CNN3: variants seen among roughly 807,000 people sequenced by gnomAD.
The protein encoded by CNN3 is calponin 3.
Under a neutral mutation model 39.0 loss-of-function variants are expected in CNN3, and 11 were observed. That is an observed-to-expected ratio of 0.28 (90% CI 0.18 to 0.47). CNN3 has a LOEUF of 0.47. Among genes scored for constraint, CNN3 ranks in the 20% least tolerant of loss-of-function variants. The probability of loss-of-function intolerance (pLI) is 0.99; values close to 1 mark genes in which losing one functional copy is unlikely to be tolerated. For synonymous variants in CNN3, 101 were observed against 138.3 expected, an observed-to-expected ratio of 0.73 and a Z score of 1.89; for missense variants, 266 against 403.4, an observed-to-expected ratio of 0.66 and a Z score of 2.92.
chr1:94,901,229 C>G (rs1670854959), intron 5 of CNN3, among the ~76,000 whole-genome samples: 1 of 151,838 alleles, frequency 6.6e-6, no homozygotes, highest in Non-Finnish European at 1.5e-5. Context: ...TGGCTCATTC[C>G]CATAATCCCA....
chr1:94,920,206 T>G lies in CNN3; in HGVS notation c.57+6632A>C, dbSNP rs1429905342. On this transcript the variant is annotated intron_variant, in intron 1 of 6. Transcript: ENST00000370206. ...GGCAATGTGGACAGAATGGTGCAGA[T>G]CTACAGACCTGGTGCTTTCACTGTG... Among the ~76,000 whole-genome samples, 5 of 152,176 alleles carry G rather than the reference T, an allele frequency of 3.3e-5. No homozygotes were observed. In the East Asian group the frequency reaches 9.6e-4, roughly 29 times the overall value.
chr1:94,908,287 T>C (rs1328345567), intron 1 of CNN3, among the ~76,000 whole-genome samples: 1 of 152,238 alleles, frequency 6.6e-6, no homozygotes, highest in Non-Finnish European at 1.5e-5. Flanking sequence ...TGGCCTGCTC[T>C]GCTCTCGCTC....
chr1:94,906,960 G>A (rs903348348), intron 1 of CNN3, among the ~76,000 whole-genome samples: 1 of 152,192 alleles, frequency 6.6e-6, no homozygotes, highest in Non-Finnish European at 1.5e-5. Flanking sequence ...GTAGATCCCA[G>A]TAAGAAGTTT....
At chr1:94,920,812 A>G (rs1393701227) in intron 1 of CNN3, among the ~76,000 whole-genome samples, 12 of 152,162 alleles carry the variant, frequency 7.9e-5, no homozygotes. Context: ...TAAAACTTAA[A>G]AGATATTTAT....
At chr1:94,903,670 T>C in intron 1 of CNN3, 146 bp from the exon 2 acceptor site, 1 of 1,074,570 alleles carries the variant, frequency 9.3e-7, no homozygotes, top group Non-Finnish European at 1.3e-6. Flanking sequence ...ATGGCAAACT[T>C]AACCGTTACA....
intron 6 of CNN3, among the ~76,000 whole-genome samples, chr1:94,899,035 C>T (rs1391521005): frequency 6.7e-6 from 1 of 149,340 alleles, no homozygotes; most frequent in Non-Finnish European, 1.5e-5. Context: ...GTAATTTTAC[C>T]TATTAATTAA....
rs567288059 is a variant in CNN3, at chr1:94,911,927, G to A, written c.58-8403C>T. Among the ~76,000 whole-genome samples the A allele has an allele frequency of 3.2e-4, 49 of 152,102 alleles. No homozygotes were observed. The South Asian group carries it at 4.6e-3, about 14-fold the overall frequency. On this transcript the variant is annotated intron_variant, in intron 1 of 6. Transcript: ENST00000370206. ...TCTACTACAAAAAAATTAGCTGGGC[G>A]TGGTGGCACACATCTGTAGCGCCTG... is the stretch of plus-strand genomic sequence containing the variant.
At position 94,901,660 on chromosome 1, in the gene CNN3, A is replaced by C. The variant is rs775505378; in HGVS notation, c.501+9T>G. The C allele has an allele frequency of 3.2e-6, 5 of 1,580,512 alleles. No homozygotes were observed. The African/African-American group carries it at 4.0e-5, about 13-fold the overall frequency. ...TAAGTAATTGAATAAGCAACACCAC[A>C]TTACTTACCTGCAGACCAATTACAC... On this transcript the variant is annotated intron_variant, in intron 5 of 6. Coordinates refer to ENST00000370206, the MANE Select transcript of CNN3 (RefSeq NM_001839.5).
At chr1:94,923,250 A>T (rs1369654816) in intron 1 of CNN3, among the ~76,000 whole-genome samples, 1 of 152,088 alleles carries the variant, frequency 6.6e-6, no homozygotes, top group Non-Finnish European at 1.5e-5. Context: ...GAGTTGTTTC[A>T]CTTTTCATTT....
chr1:94,902,982 G>T, intron 3 of CNN3, 140 bp downstream of exon 3: 1 of 560,094 alleles, frequency 1.8e-6, no homozygotes, highest in Non-Finnish European at 3.0e-6. Context: ...ACAAATTTCT[G>T]CTACAATGTC....
intron 1 of CNN3, among the ~76,000 whole-genome samples, chr1:94,907,178 C>T (rs1377265503): frequency 6.6e-6 from 1 of 152,158 alleles, no homozygotes; most frequent in Non-Finnish European, 1.5e-5. Context: ...AAACTCAAAG[C>T]CCCATATGAT....
In CNN3 at chr1:94,903,149, G is replaced by A. The variant is rs750364418; in HGVS notation, c.219C>T (p.Val73=). ...NKLQPGSVKK[V]NESSLNWPQL... The stretch of plus-strand genomic sequence containing the variant: ...GAGGCCAGTTCAGTGAGGACTCGTT[G>A]ACCTTCTTCACTGAGCCTGGCTGTA... The change falls in exon 3 of 7, where the codon GTC becomes GTT. Residue 73 remains valine, a synonymous_variant. Transcript: ENST00000370206. 135 of 1,612,378 alleles carry A rather than the reference G, an allele frequency of 8.4e-5. No homozygotes were observed. The East Asian group carries it at 2.9e-3, about 35-fold the overall frequency.
intron 1 of CNN3, among the ~76,000 whole-genome samples, chr1:94,923,768 T>C (rs1470513065): frequency 6.6e-6 from 1 of 152,184 alleles, no homozygotes; most frequent in Non-Finnish European, 1.5e-5. Flanking sequence ...CTTAGAAATA[T>C]AATACTAAAA....
In CNN3 at chr1:94,897,587, A is replaced by G. The variant is rs913100911; in HGVS notation, c.*155T>C. On this transcript the variant is annotated 3_prime_UTR_variant, in exon 7 of 7. Coordinates refer to ENST00000370206, the MANE Select transcript of CNN3 (RefSeq NM_001839.5). The stretch of plus-strand genomic sequence containing the variant: ...AGGCAACTATTGAGGGAAGAGGCAG[A>G]AAAAGGAAAAAGGAATGTACGTAAG... The G allele has an allele frequency of 3.9e-5, 25 of 645,540 alleles. No individual in the cohort carries two copies. Among genetic ancestry groups the G allele is most frequent in the Non-Finnish European group, 5.5e-5 (21 of 381,052 alleles). 40.0% of individuals were successfully genotyped at this position (645,540 alleles called of 1,614,324 possible).
rs969039660 is a variant in CNN3, at chr1:94,926,755, G to C, written c.57+83C>G. 13 of 1,442,714 alleles carry C rather than the reference G, an allele frequency of 9.0e-6. No individual in the cohort carries two copies. In the South Asian group the frequency reaches 1.5e-4, roughly 16 times the overall value. The allele number at this position is 1,442,714 out of a possible 1,614,324, so 89.4% of individuals were successfully genotyped here. A position where few individuals can be genotyped will look rare whatever the true frequency, so the allele number is the denominator to read the frequency against. ...CCAGGAAAACGGTGAGCCACAGCGC[G>C]AAGAGCAAACGAAGCACGGCCCAGC... On this transcript the variant is annotated intron_variant, in intron 1 of 6. Coordinates refer to ENST00000370206, the MANE Select transcript of CNN3 (RefSeq NM_001839.5). The surrounding 1 kb of genome is among the most constrained non-coding windows in gnomAD (Gnocchi z 4.2).
At chr1:94,898,738 G>A (rs1234107183) in intron 6 of CNN3, among the ~76,000 whole-genome samples, 3 of 152,128 alleles carry the variant, frequency 2.0e-5, no homozygotes, top group Non-Finnish European at 2.9e-5. Flanking sequence ...ACATAATGCC[G>A]CACCCGGTAG....
At position 94,899,464 on chromosome 1, in the gene CNN3, C is replaced by T; in HGVS notation, c.555G>A (p.Arg185=). Residue 185 remains arginine, a synonymous_variant, in exon 6 of 7, where the codon AGG becomes AGA. Transcript: ENST00000370206. ...SQAGMTAYGT[R]RHLYDPKMQT... ...GCATTTTGGGATCATAAAGATGCCT[C>T]CTAGTCCCGTAAGCTGTCATACCTG... 6.2e-7 allele frequency: 1 copy of T among 1,614,032 alleles called. No homozygotes were observed. Among genetic ancestry groups the T allele is most frequent in the Non-Finnish European group, 8.5e-7 (1 of 1,179,954 alleles).
intron 1 of CNN3, among the ~76,000 whole-genome samples, chr1:94,913,847 T>C (rs577266140): frequency 2.0e-5 from 3 of 152,080 alleles, no homozygotes; most frequent in Non-Finnish European, 4.4e-5. Context: ...CAAACAGGCA[T>C]GGAAAAATAT....
chr1:94,904,802 A>G (rs1670955148), intron 1 of CNN3, among the ~76,000 whole-genome samples: 1 of 152,090 alleles, frequency 6.6e-6, no homozygotes, highest in Non-Finnish European at 1.5e-5. Flanking sequence ...ATCCAGTATC[A>G]TTTGTCTTCT....
Sources: gnomAD v4.1 joint callset for allele counts (sites outside exome capture counted in the v4.1 genomes callset) on GRCh38, gnomAD v4.1.1 for gene constraint, Gnocchi (gnomAD v3.1) non-coding constraint, MANE v1.5 for transcripts, NCBI Gene and HGNC (gene_info 2026-07-23, HGNC 2026-07-21) for gene names.